The following TDRP variants were observed in gnomAD, a reference collection of about 807,000 sequenced individuals.
TDRP encodes testis development related protein.
TDRP carries 12 observed loss-of-function variants against 10.5 expected under a neutral mutation model. The ratio of observed to expected loss-of-function variants is 1.15; its 90% CI spans 0.73 to 1.86. TDRP has a LOEUF of 1.86. Among genes scored for constraint, TDRP ranks in the 40% most tolerant of loss-of-function variants. The probability of loss-of-function intolerance (pLI) is 0.00; values close to 1 mark genes in which losing one functional copy is unlikely to be tolerated. For missense variants in TDRP, 353 were observed against 229.2 expected, an observed-to-expected ratio of 1.54 and a Z score of -3.49; for synonymous variants, 139 against 95.4, an observed-to-expected ratio of 1.46 and a Z score of -2.67.
intron 1 of TDRP, among the ~76,000 whole-genome samples, chr8:509,239 C>T (rs571429507): frequency 1.3e-5 from 2 of 152,272 alleles, no homozygotes; most frequent in South Asian, 4.1e-4. Context: ...GGATGGTGGC[C>T]CTTTTTTCAC....
upstream of TDRP, among the ~76,000 whole-genome samples, chr8:545,243 C>T (rs1259789687): frequency 1.5e-5 from 2 of 131,378 alleles, no homozygotes; most frequent in Non-Finnish European, 1.6e-5. Context: ...GTCCCCCCAC[C>T]TTGACCCCCA....
chr8:511,533 T>A (rs552706309), intron 1 of TDRP, among the ~76,000 whole-genome samples: 1 of 152,138 alleles, frequency 6.6e-6, no homozygotes, highest in Non-Finnish European at 1.5e-5. Context: ...GATTTCACCA[T>A]GCCACTTTCA....
chr8:541,410 G>C lies in TDRP; in HGVS notation c.108+3240C>G, dbSNP rs75839187. 3.9e-3 allele frequency among the ~76,000 whole-genome samples: 592 copies of C among 152,284 alleles called. 3 individuals carry two copies. Among genetic ancestry groups the C allele is most frequent in the Non-Finnish European group, 7.1e-3 (480 of 68,028 alleles). ...ACATCCATCAAAGAAATAATTCATA[G>C]TGAAGCTTCATTAAAATTAAAAACT... is the stretch of plus-strand genomic sequence containing the variant. On this transcript the variant is annotated intron_variant, in intron 1 of 2. Transcript: ENST00000324079.
chr8:506,001 C>G (rs956780897), intron 1 of TDRP, among the ~76,000 whole-genome samples: 1 of 152,166 alleles, frequency 6.6e-6, no homozygotes, highest in African/African-American at 2.4e-5. Context: ...GCATGGACAT[C>G]ACTGTGGCCT....
Position 491,606 on chromosome 8 carries a change from T to A in TDRP, c.*793A>T. 2 of 1,530,118 alleles carry A rather than the reference T, an allele frequency of 1.3e-6. No homozygotes were observed. The highest frequency in any genetic ancestry group is 1.7e-6 in the Non-Finnish European group (2 of 1,145,176). The allele number at this position is 1,530,118 out of a possible 1,614,324, so 94.8% of individuals were successfully genotyped here. On this transcript the variant is annotated 3_prime_UTR_variant, in exon 3 of 3. Coordinates refer to ENST00000324079, the MANE Select transcript of TDRP (RefSeq NM_001384899.1). Reference sequence around the variant, plus strand: ...TATGCACAGTCTTAACTCTCTATAATGAGCAAGACAATGTTTCCTAAATGA... The same window carrying A: ...TATGCACAGTCTTAACTCTCTATAAAGAGCAAGACAATGTTTCCTAAATGA...
rs772493636 is a variant in TDRP at position 492,513 on chromosome 8, G to A, written c.444C>T (p.Ser148=). ...TGGAGCTGTTGGCAGAGCTGGCCAG[G>A]CTGGTGTACTTGGTCGAGCCCTTGG... The part of the protein sequence containing the change: ...DDAKGSTKYT[S]LASSANSSRW... Residue 148 remains serine, a synonymous_variant, in exon 3 of 3, where the codon AGC becomes AGT. Transcript: ENST00000324079. The A allele has an allele frequency of 1.9e-6, 3 of 1,610,724 alleles. No homozygotes were observed. The highest frequency in any genetic ancestry group is 3.4e-5 in the Admixed American group (2 of 59,508).
At chr8:506,656 C>T (rs1801473124) in intron 1 of TDRP, among the ~76,000 whole-genome samples, 1 of 152,348 alleles carries the variant, frequency 6.6e-6, no homozygotes. Flanking sequence ...GGCAAATGCT[C>T]AGTTCCCAGA....
At chr8:529,366 C>G (rs1376869411) in intron 1 of TDRP, among the ~76,000 whole-genome samples, 1 of 152,120 alleles carries the variant, frequency 6.6e-6, no homozygotes, top group African/African-American at 2.4e-5. Flanking sequence ...TATTTTTATG[C>G]TTTTGTCTAA....
intron 1 of TDRP, among the ~76,000 whole-genome samples, chr8:500,825 C>T (rs1441173761): frequency 6.6e-6 from 1 of 152,160 alleles, no homozygotes; most frequent in Non-Finnish European, 1.5e-5. Flanking sequence ...AACAGTGACA[C>T]CTAAGACCAA....
intron 1 of TDRP, among the ~76,000 whole-genome samples, chr8:500,478 C>G (rs186636085): frequency 1.1e-3 from 160 of 152,236 alleles, no homozygotes; most frequent in African/African-American, 3.7e-3. Context: ...ACTGAACCTG[C>G]CAATCTTCAC....
At chr8:508,638 T>C (rs113014234) in intron 1 of TDRP, among the ~76,000 whole-genome samples, 2 of 152,086 alleles carry the variant, frequency 1.3e-5, no homozygotes, top group African/African-American at 4.8e-5. Context: ...ACATTGCGAT[T>C]ATGGGAATTA....
At chr8:531,932 G>C (rs528025608) in intron 1 of TDRP, among the ~76,000 whole-genome samples, 1 of 152,310 alleles carries the variant, frequency 6.6e-6, no homozygotes, top group Admixed American at 6.5e-5. Context: ...GCAGTACTCT[G>C]ACAGTGGGCC....
intron 1 of TDRP, among the ~76,000 whole-genome samples, chr8:505,606 G>A (rs1293714813): frequency 6.6e-6 from 1 of 152,194 alleles, no homozygotes; most frequent in African/African-American, 2.4e-5. Flanking sequence ...TTCCCATGAA[G>A]GCCATGAAGA....
chr8:541,914 T>G (rs1802503959), intron 1 of TDRP, among the ~76,000 whole-genome samples: 1 of 152,112 alleles, frequency 6.6e-6, no homozygotes, highest in African/African-American at 2.4e-5. Context: ...TTTACCCAAG[T>G]TGGAAACTTA....
At chr8:533,042 T>C (rs921733003) in intron 1 of TDRP, among the ~76,000 whole-genome samples, 2 of 152,166 alleles carry the variant, frequency 1.3e-5, no homozygotes, top group African/African-American at 4.8e-5. Context: ...AGTCCCAAAA[T>C]GAGTACCAGC....
At chr8:537,580 G>C (rs1802378557) in intron 1 of TDRP, among the ~76,000 whole-genome samples, 1 of 152,168 alleles carries the variant, frequency 6.6e-6, no homozygotes, top group African/African-American at 2.4e-5. Context: ...AGCCTGGTTT[G>C]CACACACTGG....
intron 1 of TDRP, among the ~76,000 whole-genome samples, chr8:507,709 TAA>T (rs1313221730): frequency 6.6e-6 from 1 of 151,806 alleles, no homozygotes; most frequent in East Asian, 1.9e-4. Context: ...ACTAAGCAAA[TAA>T]AGAGGCAAAT....
At chr8:523,478 T>C (rs1047000239) in intron 1 of TDRP, among the ~76,000 whole-genome samples, 8 of 152,150 alleles carry the variant, frequency 5.3e-5, no homozygotes, top group African/African-American at 1.7e-4. Context: ...CAGTAGGGTA[T>C]AGCAGCAGTC....
intron 1 of TDRP, among the ~76,000 whole-genome samples, chr8:512,225 C>G (rs974875843): frequency 1.3e-5 from 2 of 151,750 alleles, no homozygotes; most frequent in Non-Finnish European, 1.5e-5. Flanking sequence ...AGACTGAGAC[C>G]ATCCTGGCCA....
Sources: gnomAD v4.1 joint callset for allele counts (sites outside exome capture counted in the v4.1 genomes callset) on GRCh38, gnomAD v4.1.1 for gene constraint, MANE v1.5 for transcripts, NCBI Gene and HGNC (gene_info 2026-07-23, HGNC 2026-07-21) for gene names.